ANKRD44: variants seen among roughly 807,000 people sequenced by gnomAD.
ANKRD44 encodes serine/threonine-protein phosphatase 6 regulatory ankyrin repeat subunit B.
Under a neutral mutation model 116.0 loss-of-function variants are expected in ANKRD44, and 35 were observed. That is an observed-to-expected ratio of 0.30 (90% CI 0.23 to 0.40). The LOEUF (loss-of-function observed/expected upper bound fraction) is 0.40, where lower values mean the gene tolerates loss of function less well. Among genes scored for constraint, ANKRD44 ranks in the 10% least tolerant of loss-of-function variants. The pLI is 1.00. For missense variants in ANKRD44, 1,014 were observed against 1,242.6 expected (o/e 0.82, Z 2.77); for synonymous variants, 435 against 461.8 (o/e 0.94, Z 0.74).
chr2:197,045,275 A>G (rs1357282367), intron 16 of ANKRD44, among the ~76,000 whole-genome samples: 3 of 152,204 alleles, frequency 2.0e-5, no homozygotes, highest in African/African-American at 7.2e-5. Context: ...TGCAATAAGG[A>G]AGTTGTATTG....
chr2:197,045,944 G>A (rs923172322), intron 16 of ANKRD44, among the ~76,000 whole-genome samples: 1 of 152,128 alleles, frequency 6.6e-6, no homozygotes, highest in African/African-American at 2.4e-5. Context: ...AACCCATAAT[G>A]GCAGCAGCCA....
At chr2:197,162,574 AT>A (rs1392569176) in intron 2 of ANKRD44, among the ~76,000 whole-genome samples, 1 of 152,204 alleles carries the variant, frequency 6.6e-6, no homozygotes, top group African/African-American at 2.4e-5. Flanking sequence ...ACAATGTTTT[AT>A]TTTAAAGCCA....
rs1559122763 is a variant in ANKRD44 at position 197,171,996 on chromosome 2, C to CTTTTTTTTTTTTTTTTT, written c.111+15026_111+15027insAAAAAAAAAAAAAAAAA. On this transcript the variant is annotated intron_variant, in intron 2 of 27. Transcript: ENST00000282272. ...TATTATTACCATGTCCGTTATTTTT[C>CTTTTTTTTTTTTTTTTT]TTCTTTTTTTTTTTTTTTTTTGAGA... Among the ~76,000 whole-genome samples, 2 of 29,318 alleles carry CTTTTTTTTTTTTTTTTT rather than the reference C, an allele frequency of 6.8e-5. 1 individual carries two copies. Among genetic ancestry groups the CTTTTTTTTTTTTTTTTT allele is most frequent in the Non-Finnish European group, 2.8e-4 (2 of 7,034 alleles). 19.2% of individuals were successfully genotyped at this position (29,318 alleles called of 152,430 possible).
intron 1 of ANKRD44, among the ~76,000 whole-genome samples, chr2:197,196,508 G>A (rs1260990492): frequency 1.3e-5 from 2 of 152,112 alleles, no homozygotes; most frequent in Non-Finnish European, 2.9e-5. Context: ...TTTAATTTTT[G>A]AGAATCTCAC....
chr2:197,276,600 T>C (rs1015801100), intron 1 of ANKRD44, among the ~76,000 whole-genome samples: 4 of 152,206 alleles, frequency 2.6e-5, no homozygotes, highest in African/African-American at 7.2e-5. Flanking sequence ...TGTCCCCATA[T>C]TGAAATACAT....
At chr2:197,169,830 A>G (rs1001367760) in intron 2 of ANKRD44, among the ~76,000 whole-genome samples, 4 of 152,134 alleles carry the variant, frequency 2.6e-5, no homozygotes, top group African/African-American at 9.7e-5. Context: ...ATTCTAGAGC[A>G]GTATGTCTCG....
intron 1 of ANKRD44, among the ~76,000 whole-genome samples, chr2:197,247,758 GGTCCCA>G (rs1272245152): frequency 7.2e-5 from 11 of 152,138 alleles, no homozygotes; most frequent in African/African-American, 2.2e-4. Flanking sequence ...CAGGCCCAAG[GGTCCCA>G]GCTGTGAAGA....
At chr2:197,095,535 C>G (rs2078141243) in intron 10 of ANKRD44, among the ~76,000 whole-genome samples, 1 of 152,198 alleles carries the variant, frequency 6.6e-6, no homozygotes, top group African/African-American at 2.4e-5. Context: ...CCTCAGCCAC[C>G]AGGACCATAA....
chr2:197,185,181 G>A (rs925953305), intron 2 of ANKRD44, among the ~76,000 whole-genome samples: 3 of 152,186 alleles, frequency 2.0e-5, no homozygotes, highest in African/African-American at 4.8e-5. Flanking sequence ...GTCGCAACCC[G>A]CAGGCCCTGG....
intron 1 of ANKRD44, among the ~76,000 whole-genome samples, chr2:197,264,282 G>A (rs773099812): frequency 2.0e-5 from 3 of 152,172 alleles, no homozygotes; most frequent in Non-Finnish European, 2.9e-5. Flanking sequence ...CTCAGTCTTG[G>A]TTTGTTTATG....
chr2:197,184,308 T>C (rs116868483), intron 2 of ANKRD44, among the ~76,000 whole-genome samples: 2,979 of 152,232 alleles, frequency 0.02, 49 homozygotes, highest in South Asian at 0.036. Flanking sequence ...GGAATATAAG[T>C]GGAAGTGATG....
intron 16 of ANKRD44, among the ~76,000 whole-genome samples, chr2:197,044,264 T>A (rs916593151): frequency 6.6e-6 from 1 of 152,222 alleles, no homozygotes; most frequent in Non-Finnish European, 1.5e-5. Context: ...AACTGGATTA[T>A]ACATCAGCTC....
intron 16 of ANKRD44, among the ~76,000 whole-genome samples, chr2:197,057,960 T>C (rs1308540073): frequency 3.3e-5 from 5 of 152,248 alleles, no homozygotes; most frequent in African/African-American, 9.6e-5. Flanking sequence ...GGCAGTCTTA[T>C]AGAACACACA....
In ANKRD44 at chr2:197,273,983, ATATATATATATAT is replaced by A. The variant is rs1559208391; in HGVS notation, c.27+36582_27+36594del. 9.1e-3 allele frequency among the ~76,000 whole-genome samples: 258 copies of A among 28,232 alleles called. 35 individuals carry two copies. Among genetic ancestry groups the A allele is most frequent in the African/African-American group, 0.025 (127 of 5,038 alleles). The allele number at this position is 28,232 out of a possible 152,430, so 18.5% of individuals were successfully genotyped here. A position where few individuals can be genotyped will look rare whatever the true frequency, so the allele number is the denominator to read the frequency against. On this transcript the variant is annotated intron_variant, in intron 1 of 27. Coordinates refer to ENST00000282272, the MANE Select transcript of ANKRD44 (RefSeq NM_001195144.2). ...CACAAAAAAAAAAAAAAAAAAAAAT[ATATATATATATAT>A]ATATATATATATATATATATATATA...
intron 1 of ANKRD44, among the ~76,000 whole-genome samples, chr2:197,272,608 A>G (rs1225120005): frequency 6.6e-6 from 1 of 152,248 alleles, no homozygotes; most frequent in African/African-American, 2.4e-5. Flanking sequence ...ACAATGGGGT[A>G]AGCCAAGACT....
At chr2:197,278,838 G>A (rs576210384) in intron 1 of ANKRD44, among the ~76,000 whole-genome samples, 6 of 152,168 alleles carry the variant, frequency 3.9e-5, no homozygotes, top group Admixed American at 1.3e-4. Context: ...GAGACTTTTC[G>A]CTTTGGAAAC....
chr2:197,152,036 TTGGA>T (rs1469306107), intron 2 of ANKRD44, among the ~76,000 whole-genome samples: 1 of 152,210 alleles, frequency 6.6e-6, no homozygotes, highest in East Asian at 1.9e-4. Context: ...TCTGGGAATC[TTGGA>T]AGCCCTCAAG....
At chr2:197,048,422 G>A (rs1247430234) in intron 16 of ANKRD44, among the ~76,000 whole-genome samples, 4 of 152,104 alleles carry the variant, frequency 2.6e-5, no homozygotes. Flanking sequence ...TCCCACCTAT[G>A]AGTGAGAACA....
chr2:196,989,915 T>C (rs987853587), intron 27 of ANKRD44: 14 of 1,122,254 alleles, frequency 1.2e-5, no homozygotes, highest in African/African-American at 1.6e-5. Context: ...AGTTTCATAC[T>C]ATTTTTGCAT....
Sources: allele counts gnomAD v4.1 joint callset (sites outside exome capture counted in the v4.1 genomes callset), GRCh38; gene constraint gnomAD v4.1.1; transcripts MANE v1.5; gene names NCBI Gene and HGNC (gene_info 2026-07-23, HGNC 2026-07-21).